The following ZNF600 variants were observed in gnomAD, a reference collection of about 807,000 sequenced individuals.
ZNF600 encodes zinc finger protein 600, also known as zinc finger protein KR-ZNF1.
ZNF600 carries 4 observed loss-of-function variants against 7.3 expected under a neutral mutation model. The observed-to-expected ratio is 0.55, with a 90% CI of 0.27 to 1.25. The LOEUF (loss-of-function observed/expected upper bound fraction) is 1.25, where lower values mean the gene tolerates loss of function less well. ZNF600 is among the 50% of genes most tolerant of loss of function. The probability of loss-of-function intolerance (pLI) is 0.12; values close to 1 mark genes in which losing one functional copy is unlikely to be tolerated. For missense variants in ZNF600, 911 were observed against 922.1 expected (o/e 0.99, Z 0.16); for synonymous variants, 290 against 308.9 (o/e 0.94, Z 0.64).
the ZNF600 span, among the ~76,000 whole-genome samples, chr19:52,815,363 A>G: frequency 6.9e-6 from 1 of 144,466 alleles, no homozygotes; most frequent in Admixed American, 7.0e-5. Context: ...TTAAAAATAC[A>G]AAAATTAGCC....
chr19:52,804,680 C>T, the ZNF600 span, among the ~76,000 whole-genome samples: 2,586 of 152,126 alleles, frequency 0.017, 81 homozygotes, highest in African/African-American at 0.059. Context: ...CCATTTTTGG[C>T]ATTTAGTAAA....
chr19:52,810,540 GAC>G, the ZNF600 span: 3 of 1,596,778 alleles, frequency 1.9e-6, no homozygotes, highest in Non-Finnish European at 2.6e-6. Flanking sequence ...CGAACCAACA[GAC>G]CAGGCATCAG....
upstream of ZNF600, among the ~76,000 whole-genome samples, chr19:52,787,043 G>C (rs929628869): frequency 6.6e-6 from 1 of 152,266 alleles, no homozygotes; most frequent in Non-Finnish European, 1.5e-5. Context: ...GCAAAGCCCT[G>C]CCAGGGCGGA....
At chr19:52,770,383 A>G (rs1244127170) in intron 3 of ZNF600, among the ~76,000 whole-genome samples, 1 of 152,224 alleles carries the variant, frequency 6.6e-6, no homozygotes, top group African/African-American at 2.4e-5. Flanking sequence ...CAAAGGTTAC[A>G]GTGAGCCGAG....
At chr19:52,785,812 T>C (rs373440029) in intron 1 of ZNF600, among the ~76,000 whole-genome samples, 3 of 152,278 alleles carry the variant, frequency 2.0e-5, no homozygotes, top group African/African-American at 7.2e-5. Context: ...TCCCTCACTC[T>C]GGTGAGCCTC....
At chr19:52,764,647 A>C (rs930423766) in exon 4 of ZNF600, 10 of 151,154 alleles carry the variant, frequency 6.6e-5, no homozygotes, top group African/African-American at 2.2e-4. Flanking sequence ...CCTCCCAAGC[A>C]GCTAGGACTA....
the ZNF600 span, among the ~76,000 whole-genome samples, chr19:52,818,432 G>C: frequency 6.6e-6 from 1 of 152,014 alleles, no homozygotes; most frequent in South Asian, 2.1e-4. Context: ...TAAAAATTGG[G>C]CTGGGCTCAG....
chr19:52,784,384 T>C (rs541776738), intron 1 of ZNF600, among the ~76,000 whole-genome samples: 4 of 152,252 alleles, frequency 2.6e-5, no homozygotes, highest in African/African-American at 9.6e-5. Context: ...CCAGCCTGGG[T>C]GACAGAGCCA....
At chr19:52,804,774 G>A in the ZNF600 span, among the ~76,000 whole-genome samples, 1 of 152,090 alleles carries the variant, frequency 6.6e-6, no homozygotes, top group East Asian at 1.9e-4. Context: ...GAAAGTGCTG[G>A]GATTAGAAAA....
the ZNF600 span, among the ~76,000 whole-genome samples, chr19:52,829,322 G>T: frequency 2.0e-5 from 3 of 151,320 alleles, no homozygotes; most frequent in African/African-American, 7.3e-5. Flanking sequence ...CCACTAACTC[G>T]TCATCTAGCA....
chr19:52,821,286 G>A, the ZNF600 span, among the ~76,000 whole-genome samples: 2 of 152,162 alleles, frequency 1.3e-5, no homozygotes, highest in Non-Finnish European at 2.9e-5. Flanking sequence ...CACCTCTAGG[G>A]TGAGGACTTT....
chr19:52,824,295 T>G, the ZNF600 span, among the ~76,000 whole-genome samples: 3 of 152,164 alleles, frequency 2.0e-5, no homozygotes, highest in African/African-American at 7.2e-5. Flanking sequence ...TATGTCTACC[T>G]GCCGGTTGGC....
At chr19:52,826,697 C>T in the ZNF600 span, among the ~76,000 whole-genome samples, 1 of 151,936 alleles carries the variant, frequency 6.6e-6, no homozygotes, top group East Asian at 1.9e-4. Flanking sequence ...CAGAATGAGG[C>T]TCCATCTCAA....
At chr19:52,816,575 A>G in the ZNF600 span, among the ~76,000 whole-genome samples, 2 of 145,070 alleles carry the variant, frequency 1.4e-5, no homozygotes, top group African/African-American at 5.4e-5. Context: ...GAGGCAGGAG[A>G]ATGGCATGAA....
the ZNF600 span, among the ~76,000 whole-genome samples, chr19:52,794,254 T>A: frequency 1.3e-5 from 2 of 152,174 alleles, no homozygotes; most frequent in Admixed American, 1.3e-4. Flanking sequence ...ATTTGTGGGT[T>A]TTTTTACATT....
At chr19:52,822,232 C>G in the ZNF600 span, among the ~76,000 whole-genome samples, 17 of 151,838 alleles carry the variant, frequency 1.1e-4, no homozygotes, top group Non-Finnish European at 2.5e-4. Flanking sequence ...CCACCATGCC[C>G]GGTTAATTTT....
At position 52,779,029 on chromosome 19, in the gene ZNF600, A is replaced by G. The variant is rs2062699350; in HGVS notation, c.-19-122T>C. On this transcript the variant is annotated intron_variant, in intron 1 of 3. Transcript: ENST00000648973. ...GAAGTCCCCCACCGCCCACTGCACC[A>G]GAGATCATGCAGAGATAAGAAAGTC... The G allele has an allele frequency of 7.0e-6, 6 of 852,990 alleles. 1 individual carries two copies. The South Asian group carries it at 9.9e-5, about 14-fold the overall frequency. The allele number at this position is 852,990 out of a possible 1,614,324, so 52.8% of individuals were successfully genotyped here.
At chr19:52,806,774 C>T in the ZNF600 span, among the ~76,000 whole-genome samples, 170 of 151,970 alleles carry the variant, frequency 1.1e-3, 1 homozygote, top group African/African-American at 4.0e-3. Flanking sequence ...TGGTGGTGAG[C>T]GCCTGCAGTT....
At chr19:52,770,857 G>T (rs1346951231) in intron 3 of ZNF600, among the ~76,000 whole-genome samples, 1 of 152,154 alleles carries the variant, frequency 6.6e-6, no homozygotes, top group Non-Finnish European at 1.5e-5. Flanking sequence ...TTTTGAGACA[G>T]AGTTTCGCTC....
Sources: gnomAD v4.1 joint callset for allele counts (sites outside exome capture counted in the v4.1 genomes callset) on GRCh38, gnomAD v4.1.1 for gene constraint, MANE v1.5 for transcripts, NCBI Gene and HGNC (gene_info 2026-07-23, HGNC 2026-07-21) for gene names.